ROBO1: variants seen among roughly 807,000 people sequenced by gnomAD.
The protein encoded by ROBO1 is roundabout guidance receptor 1, also known as roundabout homolog 1.
Under a neutral mutation model 195.9 loss-of-function variants are expected in ROBO1, and 149 were observed. That is an observed-to-expected ratio of 0.76 (90% CI 0.67 to 0.87). The LOEUF is 0.87. ROBO1 is among the 40% of genes least tolerant of loss of function. The probability of loss-of-function intolerance (pLI) is 0.00; values close to 1 mark genes in which losing one functional copy is unlikely to be tolerated. For synonymous variants in ROBO1, 816 were observed against 733.2 expected, an observed-to-expected ratio of 1.11 and a Z score of -1.82; for missense variants, 1,933 against 2,068.3, an observed-to-expected ratio of 0.93 and a Z score of 1.27.
At chr3:79,482,378 TG>T (rs1266626082) in intron 2 of ROBO1, among the ~76,000 whole-genome samples, 1 of 152,126 alleles carries the variant, frequency 6.6e-6, no homozygotes, top group Non-Finnish European at 1.5e-5. Context: ...ATTGAATAAT[TG>T]GGGCAGTTTC....
intron 5 of ROBO1, among the ~76,000 whole-genome samples, chr3:78,719,798 T>C (rs1207094738): frequency 1.3e-5 from 2 of 152,234 alleles, no homozygotes; most frequent in East Asian, 3.8e-4. Context: ...TTCCCGCTTA[T>C]GAACAGCACT....
At chr3:79,150,267 T>C (rs2080740959) in intron 2 of ROBO1, among the ~76,000 whole-genome samples, 2 of 151,900 alleles carry the variant, frequency 1.3e-5, no homozygotes, top group Admixed American at 1.3e-4. Flanking sequence ...TTTTTCAGTT[T>C]TTACTTGTTA....
chr3:79,291,807 T>C (rs2032268328), intron 2 of ROBO1, among the ~76,000 whole-genome samples: 1 of 152,176 alleles, frequency 6.6e-6, no homozygotes, highest in South Asian at 2.1e-4. Context: ...ACTCCTGTGA[T>C]AGCCCACCAT....
intron 5 of ROBO1, among the ~76,000 whole-genome samples, chr3:78,733,709 T>C (rs913056476): frequency 1.3e-5 from 2 of 152,188 alleles, no homozygotes; most frequent in Admixed American, 6.5e-5. Flanking sequence ...ATTGTGCCTT[T>C]AATTTGGCAA....
chr3:78,932,449 T>A (rs1360893976), intron 4 of ROBO1, among the ~76,000 whole-genome samples: 1 of 152,182 alleles, frequency 6.6e-6, no homozygotes, highest in Admixed American at 6.5e-5. Flanking sequence ...ATAAAATACG[T>A]CACCCTTAAC....
intron 1 of ROBO1, among the ~76,000 whole-genome samples, chr3:79,729,632 C>T (rs193033230): frequency 6.6e-6 from 1 of 152,234 alleles, no homozygotes; most frequent in African/African-American, 2.4e-5. Context: ...CTGCCTAAAG[C>T]TTATACACAT....
chr3:78,608,239 G>A (rs544540061), intron 28 of ROBO1, among the ~76,000 whole-genome samples: 73 of 152,178 alleles, frequency 4.8e-4, no homozygotes, highest in Middle Eastern at 3.4e-3. Flanking sequence ...AGCCTCCTGA[G>A]AAACTGGGAC....
At chr3:79,590,265 C>T (rs963686561) in intron 1 of ROBO1, among the ~76,000 whole-genome samples, 41 of 151,600 alleles carry the variant, frequency 2.7e-4, no homozygotes, top group African/African-American at 9.4e-4. Flanking sequence ...TGATTTCCCA[C>T]CAATTTAGTT....
intron 1 of ROBO1, among the ~76,000 whole-genome samples, chr3:79,600,245 A>G (rs1214103176): frequency 6.6e-6 from 1 of 152,048 alleles, no homozygotes; most frequent in Non-Finnish European, 1.5e-5. Context: ...GTAAGATGGA[A>G]GTACACATCA....
rs76090579 is a variant in ROBO1 at position 78,774,904 on chromosome 3, T to A, written c.500-28004A>T. Among the ~76,000 whole-genome samples the A allele has an allele frequency of 7.9e-3, 1,205 of 152,318 alleles. 16 individuals are homozygous for A. The highest frequency in any genetic ancestry group is 0.039 in the East Asian group (203 of 5,194). On this transcript the variant is annotated intron_variant, in intron 4 of 30. Coordinates refer to ENST00000464233, the MANE Select transcript of ROBO1 (RefSeq NM_002941.4). Reference sequence around the variant, plus strand: ...TCCTTTAATAGACTTCTACCAAATATATATTAAGTCAATATCCACTGGTAA... The same window carrying A: ...TCCTTTAATAGACTTCTACCAAATAAATATTAAGTCAATATCCACTGGTAA...
At chr3:79,356,629 CTCAT>C (rs1227195116) in intron 2 of ROBO1, among the ~76,000 whole-genome samples, 1 of 152,130 alleles carries the variant, frequency 6.6e-6, no homozygotes, top group Non-Finnish European at 1.5e-5. Context: ...GAAGACAAGA[CTCAT>C]AAGGTAACAA....
At chr3:79,226,846 C>A (rs1333119868) in intron 2 of ROBO1, among the ~76,000 whole-genome samples, 1 of 152,050 alleles carries the variant, frequency 6.6e-6, no homozygotes, top group Non-Finnish European at 1.5e-5. Flanking sequence ...TGCACCTGGC[C>A]AACTTTCTGT....
chr3:79,272,206 T>C (rs950842234), intron 2 of ROBO1, among the ~76,000 whole-genome samples: 1 of 152,000 alleles, frequency 6.6e-6, no homozygotes, highest in African/African-American at 2.4e-5. Flanking sequence ...TTATAATGTA[T>C]AAAGGTAAAG....
chr3:78,739,137 T>C (rs1483594963), intron 5 of ROBO1, among the ~76,000 whole-genome samples: 4 of 152,168 alleles, frequency 2.6e-5, no homozygotes, highest in Non-Finnish European at 4.4e-5. Context: ...TGAGTGTCTT[T>C]TAAGCTCTTC....
chr3:79,705,266 A>C (rs1316159950), intron 1 of ROBO1, among the ~76,000 whole-genome samples: 1 of 151,950 alleles, frequency 6.6e-6, no homozygotes, highest in Non-Finnish European at 1.5e-5. Context: ...TTACTACCAA[A>C]TCCAAGGTCA....
At chr3:79,693,431 TTTTG>T (rs778327527) in intron 1 of ROBO1, among the ~76,000 whole-genome samples, 15 of 150,952 alleles carry the variant, frequency 9.9e-5, no homozygotes, top group Non-Finnish European at 1.9e-4. Flanking sequence ...GTCCTTGTTT[TTTTG>T]TTTGTTTGTT....
At chr3:78,610,129 G>A (rs1703722887) in intron 28 of ROBO1, among the ~76,000 whole-genome samples, 1 of 152,058 alleles carries the variant, frequency 6.6e-6, no homozygotes, top group South Asian at 2.1e-4. Context: ...TAGCCAAAAT[G>A]GTAGCCAATT....
intron 2 of ROBO1, among the ~76,000 whole-genome samples, chr3:79,322,853 T>A (rs1453280362): frequency 5.9e-5 from 9 of 152,160 alleles, no homozygotes; most frequent in Non-Finnish European, 8.8e-5. Context: ...TAGCACTTCC[T>A]AAAGCAAAAA....
At chr3:79,546,929 C>G (rs1576002824) in intron 2 of ROBO1, among the ~76,000 whole-genome samples, 1 of 152,008 alleles carries the variant, frequency 6.6e-6, no homozygotes, top group Non-Finnish European at 1.5e-5. Context: ...CGCCTGTAAT[C>G]CCAGCACCTT....
Sources: allele counts gnomAD v4.1 joint callset (sites outside exome capture counted in the v4.1 genomes callset), GRCh38; gene constraint gnomAD v4.1.1; transcripts MANE v1.5; gene names NCBI Gene and HGNC (gene_info 2026-07-23, HGNC 2026-07-21).